Variants in CFAP100 observed in about 807,000 individuals in gnomAD.
The protein encoded by CFAP100 is cilia- and flagella-associated protein 100.
CFAP100 carries 70 observed loss-of-function variants against 81.5 expected under a neutral mutation model. That is an observed-to-expected ratio of 0.86 (90% CI 0.71 to 1.05). The LOEUF (loss-of-function observed/expected upper bound fraction) is 1.05. Among genes scored for constraint, CFAP100 ranks in the 50% least tolerant of loss-of-function variants. CFAP100 has a pLI of 0.00. For missense variants in CFAP100, 811 were observed against 776.5 expected (o/e 1.04, Z -0.53); for synonymous variants, 341 against 314.8 (o/e 1.08, Z -0.88).
At chr3:126,420,059 C>T in intron 10 of CFAP100, 38 bp downstream of exon 10, 3 of 1,613,306 alleles carry the variant, frequency 1.9e-6, no homozygotes, top group African/African-American at 1.3e-5. Flanking sequence ...GAGCCTGGCT[C>T]TGCCCTGCAC....
chr3:126,403,126 A>C (rs1024625743), intron 2 of CFAP100, among the ~76,000 whole-genome samples: 1 of 152,090 alleles, frequency 6.6e-6, no homozygotes, highest in African/African-American at 2.4e-5. Context: ...TGTAGGTGTC[A>C]GTGTCCTGTG....
chr3:126,424,212 G>C (rs2083377788), intron 13 of CFAP100, among the ~76,000 whole-genome samples: 1 of 152,244 alleles, frequency 6.6e-6, no homozygotes. Context: ...CCCTGAGCAC[G>C]AGGACATGGG....
Position 126,434,380 on chromosome 3 carries a change from A to C in CFAP100, c.1627A>C (p.Arg543=). The C allele has an allele frequency of 2.5e-6, 4 of 1,612,118 alleles. No individual in the cohort carries two copies. The highest frequency in any genetic ancestry group is 3.4e-6 in the Non-Finnish European group (4 of 1,179,080). ...GGCAAAGGAGAAGGAGCGGCGCATC[A>C]GGTGAGCTCTAGGCTCTCCCTGCCA... ...ERAKEKERRI[R]LREEKLQMQK... Residue 543 remains arginine, a splice_region_variant and synonymous_variant, in exon 15 of 17, where the codon AGA becomes CGA. Coordinates refer to ENST00000352312, the MANE Select transcript of CFAP100 (RefSeq NM_182628.3).
intron 14 of CFAP100, 69 bp downstream of exon 14, chr3:126,433,273 C>A (rs1933303354): frequency 1.9e-6 from 3 of 1,565,320 alleles, no homozygotes; most frequent in Non-Finnish European, 2.6e-6. Flanking sequence ...ACTGGAGGAG[C>A]CCTGACAGCC....
In CFAP100 at chr3:126,419,996, C is replaced by T; in HGVS notation, c.930C>T (p.Gly310=). The T allele has an allele frequency of 1.2e-6, 2 of 1,613,144 alleles. No homozygotes were observed. Among genetic ancestry groups the T allele is most frequent in the Admixed American group, 3.3e-5 (2 of 60,032 alleles). The change falls in exon 10 of 17, where the codon GGC becomes GGT. Residue 310 remains glycine (G), a synonymous_variant. Coordinates refer to ENST00000352312, the MANE Select transcript of CFAP100 (RefSeq NM_182628.3). The part of the protein sequence containing the change: ...TPGDKGPGIK[G]KASSMWAKEG... ...TTCCTGCAGGACCAGGGATCAAGGG[C>T]AAGGCGAGCTCCATGTGGGCCAAAG...
chr3:126,419,062 C>A lies in CFAP100; in HGVS notation c.651-14C>A. The A allele has an allele frequency of 1.3e-6, 2 of 1,492,268 alleles. No homozygotes were observed. The highest frequency in any genetic ancestry group is 9.0e-7 in the Non-Finnish European group (1 of 1,107,700). The allele number at this position is 1,492,268 out of a possible 1,614,324, so 92.4% of individuals were successfully genotyped here. ...CTTGCCCCCATCCCTCCTCCCCCGC[C>A]GCCCAACCCCTAGGGCTGAGAAGGA... On this transcript the variant is annotated splice_polypyrimidine_tract_variant and intron_variant, in intron 7 of 16. Coordinates refer to ENST00000352312, the MANE Select transcript of CFAP100 (RefSeq NM_182628.3).
At chr3:126,433,720 G>A (rs1004183523) in intron 14 of CFAP100, 10 of 190,178 alleles carry the variant, frequency 5.3e-5, no homozygotes, top group Non-Finnish European at 9.8e-5. Flanking sequence ...GCAAGACAGC[G>A]CTCCCGATAC....
chr3:126,397,658 C>T (rs977286541), intron 2 of CFAP100, among the ~76,000 whole-genome samples: 2 of 152,194 alleles, frequency 1.3e-5, no homozygotes, highest in African/African-American at 4.8e-5. Context: ...GATTGGCACC[C>T]AGGGCCAGGG....
intron 3 of CFAP100, among the ~76,000 whole-genome samples, chr3:126,407,623 A>T (rs1033971604): frequency 1.3e-5 from 2 of 152,334 alleles, no homozygotes; most frequent in South Asian, 4.1e-4. Context: ...GCCTCAGCAC[A>T]TCTGATTCCA....
At chr3:126,419,040 G>GCCCCCCCAC in intron 7 of CFAP100, 36 bp from the exon 8 acceptor site, 1 of 801,216 alleles carries the variant, frequency 1.2e-6, no homozygotes. Flanking sequence ...CTGGCCCCTT[G>GCCCCCCCAC]CCCCCATCCC....
chr3:126,420,272 C>T (rs1483692458), intron 11 of CFAP100, 43 bp downstream of exon 11: 16 of 1,605,966 alleles, frequency 1.0e-5, no homozygotes, highest in South Asian at 4.4e-5. Flanking sequence ...GGCCTAGCGG[C>T]GAGCCCTCCC....
chr3:126,423,560 A>ACCTG lies in CFAP100; in HGVS notation c.1203_1206dup (p.Ser403ProfsTer55). On this transcript the variant is annotated frameshift_variant, in exon 13 of 17. Coordinates refer to ENST00000352312, the MANE Select transcript of CFAP100 (RefSeq NM_182628.3). LOFTEE classifies it high-confidence loss of function. ...GTCTTCCGAGAGCTGGAGGAGCAGA[A>ACCTG]CCTGTCGCTGATCCAGAACAGCCAG... 6.2e-7 allele frequency: 1 copy of ACCTG among 1,614,048 alleles called. No homozygotes were observed. Among genetic ancestry groups the ACCTG allele is most frequent in the Non-Finnish European group, 8.5e-7 (1 of 1,179,962 alleles).
intron 2 of CFAP100, among the ~76,000 whole-genome samples, chr3:126,403,321 T>C (rs2083015830): frequency 6.6e-6 from 1 of 151,558 alleles, no homozygotes; most frequent in Non-Finnish European, 1.5e-5. Flanking sequence ...AAGACTCCGA[T>C]GGATAGAGGA....
intron 13 of CFAP100, among the ~76,000 whole-genome samples, chr3:126,424,181 C>T (rs916756463): frequency 4.6e-5 from 7 of 152,170 alleles, no homozygotes; most frequent in Non-Finnish European, 8.8e-5. Context: ...AGCAGCATAA[C>T]GGGGACGGGA....
At chr3:126,426,985 C>T (rs866603113) in intron 13 of CFAP100, among the ~76,000 whole-genome samples, 1 of 152,156 alleles carries the variant, frequency 6.6e-6, no homozygotes, top group Admixed American at 6.5e-5. Flanking sequence ...ATGAGGAAAG[C>T]TGTAAAACTC....
chr3:126,396,533 G>T, intron 2 of CFAP100: 1 of 160,448 alleles, frequency 6.2e-6, no homozygotes, highest in Non-Finnish European at 1.4e-5. Context: ...GCTCCAGAAT[G>T]GCCTCAGCTT....
intron 14 of CFAP100, chr3:126,433,929 C>T: frequency 2.0e-6 from 1 of 510,508 alleles, no homozygotes; most frequent in Non-Finnish European, 3.5e-6. Context: ...CGTTGGCTCA[C>T]CAGAGGCAGC....
Position 126,416,375 on chromosome 3 carries a change from G to A in CFAP100, c.285G>A (p.Val95=). 6.2e-7 allele frequency: 1 copy of A among 1,611,464 alleles called. No homozygotes were observed. The highest frequency in any genetic ancestry group is 1.1e-5 in the South Asian group (1 of 90,902). ...AGAAGATGACCTACTCCTCGAAAGT[G>A]TCGGCTAAGCACACCAGCCTGCGGC... ...VHQKMTYSSK[V]SAKHTSLRRQ... is the part of the protein sequence containing the mutation. The change falls in exon 5 of 17, where the codon GTG becomes GTA. Residue 95 remains valine (V), a synonymous_variant. Transcript: ENST00000352312.
chr3:126,416,236 T>TCAGGTCCGCGCGTCCCG, intron 4 of CFAP100, 80 bp from the exon 5 acceptor site: 1 of 947,790 alleles, frequency 1.1e-6, no homozygotes, highest in Non-Finnish European at 1.5e-6. Flanking sequence ...CCCGCGTCCC[T>TCAGGTCCGCGCGTCCCG]AGGAATGGGG....
Sources: allele counts gnomAD v4.1 joint callset (sites outside exome capture counted in the v4.1 genomes callset), GRCh38; gene constraint gnomAD v4.1.1; transcripts MANE v1.5; gene names NCBI Gene and HGNC (gene_info 2026-07-23, HGNC 2026-07-21).